The following SUMF1 variants were observed in gnomAD, a reference collection of about 807,000 sequenced individuals.
SUMF1 encodes the protein sulfatase modifying factor 1, also known as formylglycine-generating enzyme.
A neutral mutation model predicts 47.6 loss-of-function variants in SUMF1; 48 were observed. The observed-to-expected ratio is 1.01, with a 90% CI of 0.80 to 1.28. The LOEUF is 1.28. SUMF1 is among the 50% of genes most tolerant of loss of function. SUMF1 has a pLI of 0.00. For synonymous variants in SUMF1, 230 were observed against 192.1 expected (o/e 1.20, Z -1.63); for missense variants, 571 against 485.4 (o/e 1.18, Z -1.66).
intron 3 of SUMF1, among the ~76,000 whole-genome samples, chr3:4,444,608 T>C (rs1335038016): frequency 2.6e-5 from 4 of 152,142 alleles, no homozygotes; most frequent in African/African-American, 9.7e-5. Context: ...TAACCTGGGA[T>C]AAAATAAATG....
intron 7 of SUMF1, among the ~76,000 whole-genome samples, chr3:4,395,286 A>G (rs1159839159): frequency 2.0e-5 from 3 of 152,240 alleles, no homozygotes; most frequent in South Asian, 2.1e-4. Context: ...TACCCAAAGT[A>G]CATATTTGTG....
chr3:4,104,857 G>A (rs1693122214), intron 8 of SUMF1, among the ~76,000 whole-genome samples: 1 of 151,932 alleles, frequency 6.6e-6, no homozygotes, highest in South Asian at 2.1e-4. Context: ...ACCATAAAAT[G>A]CAGCAATACC....
chr3:4,321,470 T>TAAAA (rs1206478992), intron 8 of SUMF1, among the ~76,000 whole-genome samples: 65 of 63,706 alleles, frequency 1.0e-3, no homozygotes, highest in African/African-American at 2.4e-3. Flanking sequence ...AAGGAAATGC[T>TAAAA]AAAAAAAAAA....
rs568936434 is a variant in SUMF1, at chr3:4,083,359, C to G, written c.1015-14614G>C. ...CTGGAACCTGAAGGCAGCAAAAGTT[C>G]AGCAATCAAACCCTGAATCCTGATC... On this transcript the variant is annotated intron_variant and NMD_transcript_variant, in intron 8 of 12. Coordinates refer to the SUMF1 transcript ENST00000448413. 3.3e-5 allele frequency among the ~76,000 whole-genome samples: 5 copies of G among 152,188 alleles called. No homozygotes were observed. The South Asian group carries it at 1.0e-3, about 32-fold the overall frequency.
At chr3:4,440,701 A>C (rs711643) in intron 3 of SUMF1, among the ~76,000 whole-genome samples, 150,861 of 152,348 alleles carry the variant, frequency 0.99, 74,707 homozygotes, top group Non-Finnish European at 1. Flanking sequence ...TCATCCTTCA[A>C]TGAAAGTGAC....
chr3:4,405,529 G>A (rs1041771180), intron 7 of SUMF1, among the ~76,000 whole-genome samples: 12 of 152,170 alleles, frequency 7.9e-5, no homozygotes, highest in Admixed American at 6.5e-4. Context: ...TGGGACTACA[G>A]GCATGTGCCA....
At chr3:4,068,568 C>T (rs561728587) in intron 9 of SUMF1, 13 of 354,322 alleles carry the variant, frequency 3.7e-5, no homozygotes, top group African/African-American at 2.7e-4. Context: ...TTTGTACTTA[C>T]AGCACATCTC....
In SUMF1 at chr3:4,417,123, C is replaced by T. The variant is rs557901955; in HGVS notation, c.840+5G>A. On this transcript the variant is annotated splice_donor_5th_base_variant and intron_variant, in intron 6 of 8. Coordinates refer to ENST00000272902, the MANE Select transcript of SUMF1 (RefSeq NM_182760.4). ...CCACCCTCCTGCAGAGGTCTCATTA[C>T]TCACAGGCGCAGTTCCTTGGAAGCC... The T allele has an allele frequency of 2.5e-6, 4 of 1,613,686 alleles. No homozygotes were observed. Among genetic ancestry groups the T allele is most frequent in the Non-Finnish European group, 3.4e-6 (4 of 1,179,678 alleles).
At chr3:4,124,160 A>C (rs941031723) in intron 8 of SUMF1, among the ~76,000 whole-genome samples, 3 of 152,162 alleles carry the variant, frequency 2.0e-5, no homozygotes, top group Non-Finnish European at 4.4e-5. Context: ...ATTTATAAGC[A>C]AATTAGCTTT....
At chr3:4,363,520 T>C (rs1280504298) in intron 8 of SUMF1, among the ~76,000 whole-genome samples, 1 of 151,770 alleles carries the variant, frequency 6.6e-6, no homozygotes, top group African/African-American at 2.4e-5. Context: ...TTTGGCTCTC[T>C]GTTTGTCTGT....
At chr3:4,196,092 A>T (rs1208152922) in intron 8 of SUMF1, among the ~76,000 whole-genome samples, 3 of 152,132 alleles carry the variant, frequency 2.0e-5, no homozygotes, top group Non-Finnish European at 4.4e-5. Flanking sequence ...GGAGCAGAAC[A>T]CATGCCTATG....
chr3:4,285,337 C>G (rs893102505), intron 8 of SUMF1, among the ~76,000 whole-genome samples: 14 of 152,058 alleles, frequency 9.2e-5, no homozygotes, highest in Non-Finnish European at 1.5e-5. Flanking sequence ...TCTGAAGAGT[C>G]TACTCAAAAT....
intron 3 of SUMF1, 59 bp downstream of exon 3, chr3:4,449,207 C>T: frequency 6.3e-7 from 1 of 1,590,722 alleles, no homozygotes; most frequent in Non-Finnish European, 8.6e-7. Flanking sequence ...GGATTTTTCA[C>T]CCAAACCCTT....
chr3:4,271,118 C>T (rs999171920), intron 8 of SUMF1, among the ~76,000 whole-genome samples: 2 of 152,176 alleles, frequency 1.3e-5, no homozygotes, highest in Non-Finnish European at 2.9e-5. Flanking sequence ...TATAGTCAGT[C>T]TGATCGATTG....
chr3:4,417,941 GT>G, intron 5 of SUMF1, 68 bp downstream of exon 5: 1 of 1,611,244 alleles, frequency 6.2e-7, no homozygotes, highest in Non-Finnish European at 8.5e-7. Context: ...GTTCCATGGA[GT>G]TTTTTGTTGT....
chr3:4,423,117 C>A lies in SUMF1; in HGVS notation c.520-2971G>T, dbSNP rs1311923673. 2.0e-5 allele frequency among the ~76,000 whole-genome samples: 3 copies of A among 152,250 alleles called. No homozygotes were observed. The East Asian group carries it at 5.8e-4, about 29-fold the overall frequency. ...CCTAAGGAACTAAAAGTAGAACTAC[C>A]ACTTGATCCAGCAATCCCACTACTG... On this transcript the variant is annotated intron_variant, in intron 3 of 8. Coordinates refer to ENST00000272902, the MANE Select transcript of SUMF1 (RefSeq NM_182760.4).
chr3:4,316,801 G>C (rs1022844259), intron 8 of SUMF1: 5 of 1,550,666 alleles, frequency 3.2e-6, no homozygotes, highest in Non-Finnish European at 3.5e-6. Flanking sequence ...ACTATTTGGT[G>C]GTCTGCTGCT....
intron 8 of SUMF1, among the ~76,000 whole-genome samples, chr3:4,119,683 C>A (rs554228768): frequency 6.6e-6 from 1 of 151,870 alleles, no homozygotes; most frequent in African/African-American, 2.4e-5. Flanking sequence ...GGCTTTGGAT[C>A]TCTAGCAAGA....
At chr3:4,320,228 ACAAACT>A (rs1389673232) in intron 8 of SUMF1, among the ~76,000 whole-genome samples, 8 of 152,348 alleles carry the variant, frequency 5.3e-5, no homozygotes, top group Admixed American at 3.9e-4. Flanking sequence ...AATGTAGGAA[ACAAACT>A]CAAAAGAGTA....
Sources: gnomAD v4.1 joint callset for allele counts (sites outside exome capture counted in the v4.1 genomes callset) on GRCh38, gnomAD v4.1.1 for gene constraint, MANE v1.5 for transcripts, NCBI Gene and HGNC (gene_info 2026-07-23, HGNC 2026-07-21) for gene names.